Variants in TRAPPC9 observed in about 807,000 individuals in gnomAD.
TRAPPC9 encodes trafficking protein particle complex subunit 9, also known as IKK2 binding protein.
Under a neutral mutation model 124.0 loss-of-function variants are expected in TRAPPC9, and 83 were observed. That is an observed-to-expected ratio of 0.67 (90% CI 0.56 to 0.80). The LOEUF (loss-of-function observed/expected upper bound fraction) is 0.80, where lower values mean the gene tolerates loss of function less well. Among genes scored for constraint, TRAPPC9 ranks in the 30% least tolerant of loss-of-function variants. The pLI is 0.00. For missense variants in TRAPPC9, 1,302 were observed against 1,508.3 expected, an observed-to-expected ratio of 0.86 and a Z score of 2.27; for synonymous variants, 638 against 617.5, an observed-to-expected ratio of 1.03 and a Z score of -0.49.
intron 21 of TRAPPC9, among the ~76,000 whole-genome samples, chr8:139,770,238 C>CTGG (rs1282566074): frequency 4.5e-4 from 69 of 152,384 alleles, no homozygotes; most frequent in African/African-American, 1.6e-3. Flanking sequence ...AGCCCAGACG[C>CTGG]CCCGGAGAGA....
intron 17 of TRAPPC9, among the ~76,000 whole-genome samples, chr8:140,031,768 T>C (rs917830734): frequency 9.2e-5 from 14 of 152,196 alleles, no homozygotes; most frequent in Admixed American, 6.5e-5. Flanking sequence ...AAGTGATCCA[T>C]CCACAGCAGT....
At chr8:139,737,574 C>G (rs1446299893) in intron 21 of TRAPPC9, among the ~76,000 whole-genome samples, 1 of 152,066 alleles carries the variant, frequency 6.6e-6, no homozygotes, top group East Asian at 1.9e-4. Context: ...TGCCACCCTC[C>G]ATTTCCTGGT....
At chr8:139,912,770 C>T (rs776308411) in intron 19 of TRAPPC9, among the ~76,000 whole-genome samples, 1 of 152,230 alleles carries the variant, frequency 6.6e-6, no homozygotes, top group African/African-American at 2.4e-5. Context: ...CAGAAGCTTA[C>T]TAACCATGTC....
chr8:139,738,085 G>C (rs1235379102), intron 21 of TRAPPC9, among the ~76,000 whole-genome samples: 2 of 152,186 alleles, frequency 1.3e-5, no homozygotes, highest in African/African-American at 4.8e-5. Flanking sequence ...CTCTGACCAC[G>C]AGGGAGGCAG....
At chr8:140,202,678 A>T (rs1181792111) in intron 17 of TRAPPC9, among the ~76,000 whole-genome samples, 2 of 152,204 alleles carry the variant, frequency 1.3e-5, no homozygotes, top group African/African-American at 4.8e-5. Context: ...GACCCTCAGA[A>T]TATTCTCTGG....
chr8:140,127,558 G>A (rs1168635162), intron 17 of TRAPPC9, among the ~76,000 whole-genome samples: 3 of 152,204 alleles, frequency 2.0e-5, no homozygotes, highest in African/African-American at 4.8e-5. Context: ...TATCCACGGA[G>A]CTAAAGAAAC....
rs1052862463 is a variant in TRAPPC9 at position 139,984,787 on chromosome 8, G to T, written c.2810+3939C>A. Among the ~76,000 whole-genome samples the T allele has an allele frequency of 1.3e-5, 2 of 152,202 alleles. No individual in the cohort carries two copies. The highest frequency in any genetic ancestry group is 4.8e-5 in the African/African-American group (2 of 41,448). On this transcript the variant is annotated intron_variant, in intron 19 of 22. Coordinates refer to ENST00000438773, the MANE Select transcript of TRAPPC9 (RefSeq NM_001160372.4). The surrounding 1 kb of genome is among the most constrained non-coding windows in gnomAD (Gnocchi z 4.3). ...CTAGGGCTCAGGGCAGAGTTGCATG[G>T]ATTCATGGGTATCCCCAGCAGTGGG... is the stretch of plus-strand genomic sequence containing the variant.
At chr8:139,911,708 A>C (rs991085699) in intron 19 of TRAPPC9, among the ~76,000 whole-genome samples, 1 of 150,252 alleles carries the variant, frequency 6.7e-6, no homozygotes, top group Non-Finnish European at 1.5e-5. Flanking sequence ...CTGTCTTAAA[A>C]GAAAAAAAAA....
intron 17 of TRAPPC9, among the ~76,000 whole-genome samples, chr8:140,207,814 C>A (rs903706882): frequency 6.6e-6 from 1 of 152,176 alleles, no homozygotes; most frequent in African/African-American, 2.4e-5. Flanking sequence ...AGGCTTCCTC[C>A]AAATAAGCAT....
chr8:139,888,383 G>A (rs575851219), intron 20 of TRAPPC9, among the ~76,000 whole-genome samples: 1 of 152,306 alleles, frequency 6.6e-6, no homozygotes, highest in South Asian at 2.1e-4. Flanking sequence ...TCTGTAAGAT[G>A]AGCATGCTAG....
At chr8:140,012,100 G>A (rs576686897) in intron 18 of TRAPPC9, among the ~76,000 whole-genome samples, 11 of 152,302 alleles carry the variant, frequency 7.2e-5, no homozygotes, top group South Asian at 2.1e-4. Context: ...GTGAGCCACC[G>A]CGCCCGGCCA....
At chr8:139,969,572 ATG>A in intron 19 of TRAPPC9, among the ~76,000 whole-genome samples, 1 of 152,340 alleles carries the variant, frequency 6.6e-6, no homozygotes, top group Non-Finnish European at 1.5e-5. Context: ...TAGCAGGAAT[ATG>A]ACAAGGATCA....
At chr8:140,422,686 A>T (rs1048395859) in intron 5 of TRAPPC9, among the ~76,000 whole-genome samples, 1 of 145,062 alleles carries the variant, frequency 6.9e-6, no homozygotes, top group Non-Finnish European at 1.5e-5. Context: ...CCCGGGTGGC[A>T]GGGGTTGCAG....
intron 5 of TRAPPC9, among the ~76,000 whole-genome samples, chr8:140,416,384 A>C (rs1392807367): frequency 1.3e-5 from 2 of 152,220 alleles, no homozygotes; most frequent in East Asian, 3.8e-4. Flanking sequence ...TGATTGAATC[A>C]ATAATCAAAA....
chr8:139,898,274 T>C (rs1050938309), intron 20 of TRAPPC9, among the ~76,000 whole-genome samples: 6 of 152,216 alleles, frequency 3.9e-5, no homozygotes, highest in African/African-American at 1.4e-4. Context: ...CCAGCCACCC[T>C]GGGCTTCAGA....
chr8:140,091,141 G>A (rs1844541529), intron 17 of TRAPPC9, among the ~76,000 whole-genome samples: 1 of 152,154 alleles, frequency 6.6e-6, no homozygotes, highest in African/African-American at 2.4e-5. Context: ...ACAGTGAGAC[G>A]CAATAGCTCA....
chr8:139,859,168 G>C (rs1399966917), intron 21 of TRAPPC9, among the ~76,000 whole-genome samples: 1 of 151,788 alleles, frequency 6.6e-6, no homozygotes, highest in African/African-American at 2.4e-5. Flanking sequence ...TCCAGGAGGA[G>C]TCACCGCTGT....
intron 17 of TRAPPC9, among the ~76,000 whole-genome samples, chr8:140,076,437 C>T (rs1409175203): frequency 6.6e-6 from 1 of 152,170 alleles, no homozygotes; most frequent in Non-Finnish European, 1.5e-5. Context: ...AGACACTGTT[C>T]TTTCTGAAAA....
In TRAPPC9 at chr8:140,405,640, C is replaced by T. The variant is rs1304779272; in HGVS notation, c.945G>A (p.Lys315=). Residue 315 remains lysine, a synonymous_variant, in exon 6 of 23, where the codon AAG becomes AAA. Transcript: ENST00000438773. The part of the protein sequence containing the change: ...PDTSTEIGRA[K]NCLSPEDIID... The stretch of plus-strand genomic sequence containing the variant: ...TTATGTCTTCAGGGCTAAGGCAGTT[C>T]TTAGCACGTCCGATCTCAGTACTGG... 1 of 1,614,136 alleles carries T rather than the reference C, an allele frequency of 6.2e-7. No homozygotes were observed. The highest frequency in any genetic ancestry group is 8.5e-7 in the Non-Finnish European group (1 of 1,180,010).
Sources: gnomAD v4.1 joint callset for allele counts (sites outside exome capture counted in the v4.1 genomes callset) on GRCh38, gnomAD v4.1.1 for gene constraint, Gnocchi (gnomAD v3.1) non-coding constraint, MANE v1.5 for transcripts, NCBI Gene and HGNC (gene_info 2026-07-23, HGNC 2026-07-21) for gene names.